OPA1: variants seen among roughly 807,000 people sequenced by gnomAD.
OPA1 encodes the protein dynamin-like GTPase OPA1, mitochondrial.
Under a neutral mutation model 152.9 loss-of-function variants are expected in OPA1, and 59 were observed. That is an observed-to-expected ratio of 0.39 (90% CI 0.31 to 0.48). OPA1 has a LOEUF of 0.48. Among genes scored for constraint, OPA1 ranks in the 20% least tolerant of loss-of-function variants. The pLI is 0.96. For missense variants in OPA1, 1,008 were observed against 1,216.8 expected (o/e 0.83, Z 2.55); for synonymous variants, 400 against 389.9 (o/e 1.03, Z -0.31).
chr3:193,625,957 G>A, intron 6 of OPA1, 135 bp from the exon 7 acceptor site: 1 of 732,822 alleles, frequency 1.4e-6, no homozygotes, highest in South Asian at 1.5e-5. Flanking sequence ...GGGTATGACG[G>A]CTTTAAATGA....
In OPA1 at chr3:193,697,267, G is replaced by T. The variant is rs887996860; in HGVS notation, c.*2667G>T. ...GATCAAAGTAATGGTTTTTCTCTCA[G>T]TTCTCTAAGCTGGTCTATGTTATAG... On this transcript the variant is annotated 3_prime_UTR_variant, in exon 31 of 31. Transcript: ENST00000361510. The T allele has an allele frequency of 6.6e-6, 1 of 152,162 alleles. No homozygotes were observed. Among genetic ancestry groups the T allele is most frequent in the African/African-American group, 2.4e-5 (1 of 41,432 alleles). The allele number at this position is 152,162 out of a possible 1,614,324, so 9.4% of individuals were successfully genotyped here.
intron 30 of OPA1, among the ~76,000 whole-genome samples, chr3:193,692,821 A>G (rs1337120144): frequency 2.0e-5 from 3 of 152,316 alleles, no homozygotes; most frequent in East Asian, 1.9e-4. Flanking sequence ...CAGTAGTGCA[A>G]TCACTGTTCA....
At chr3:193,692,835 C>T (rs1486373149) in intron 30 of OPA1, among the ~76,000 whole-genome samples, 2 of 152,244 alleles carry the variant, frequency 1.3e-5, no homozygotes, top group African/African-American at 2.4e-5. Context: ...CTGTTCACTG[C>T]AGCCTCAACC....
chr3:193,663,141 C>T (rs1400291985), intron 26 of OPA1, among the ~76,000 whole-genome samples, 179 bp downstream of exon 26: 1 of 152,098 alleles, frequency 6.6e-6, no homozygotes, highest in Non-Finnish European at 1.5e-5. Flanking sequence ...ATTTTATTCT[C>T]AGTATTGCTT....
At chr3:193,596,439 C>T (rs1725611123) in intron 1 of OPA1, among the ~76,000 whole-genome samples, 1 of 97,076 alleles carries the variant, frequency 1.0e-5, no homozygotes, top group South Asian at 3.5e-4. Context: ...AGGATCTTGG[C>T]GTGTTGTCCA....
intron 25 of OPA1, among the ~76,000 whole-genome samples, chr3:193,661,511 A>G (rs1166315746): frequency 3.3e-5 from 5 of 152,324 alleles, no homozygotes; most frequent in Non-Finnish European, 7.4e-5. Flanking sequence ...GAGGTTGAGA[A>G]TATCCCTAGG....
At chr3:193,646,999 GTGGTAGTATTGT>G (rs1455501137) in intron 18 of OPA1, 54 bp from the exon 19 acceptor site, 2 of 986,334 alleles carry the variant, frequency 2.0e-6, no homozygotes, top group African/African-American at 1.6e-5. Context: ...CGCAGACTTG[GTGGTAGTATTGT>G]TGTCCTTTTT....
chr3:193,655,926 C>T (rs1387235070), intron 22 of OPA1, among the ~76,000 whole-genome samples: 2 of 152,124 alleles, frequency 1.3e-5, no homozygotes, highest in South Asian at 2.1e-4. Context: ...TCTAATTATT[C>T]GGATGTGATT....
At chr3:193,603,290 A>C (rs1726739501) in intron 1 of OPA1, among the ~76,000 whole-genome samples, 1 of 152,192 alleles carries the variant, frequency 6.6e-6, no homozygotes, top group African/African-American at 2.4e-5. Flanking sequence ...GTTTTTGCAA[A>C]TCAGATGCGT....
At position 193,662,832 on chromosome 3, in the gene OPA1, A is replaced by G. The variant is rs200428940; in HGVS notation, c.2531A>G (p.Asn844Ser). 7.3e-5 allele frequency: 117 copies of G among 1,613,310 alleles called. No individual in the cohort carries two copies. Among genetic ancestry groups the G allele is most frequent in the Non-Finnish European group, 9.2e-5 (109 of 1,179,390 alleles). ...KNRTQEQCVHNETKNELEKML... is the reference protein window; with the variant it reads ...KNRTQEQCVHSETKNELEKML... ...TTAAACATTTTAAAGTGTGTTCACA[A>G]TGAAACCAAGAATGAATTGGAGAAG... is the stretch of plus-strand genomic sequence containing the variant. The change falls in exon 26 of 31, where the codon AAT (asparagine) becomes AGT (serine). Residue 844 changes from asparagine to serine, a missense_variant. By Grantham distance (46) the Asn-to-Ser change is conservative (BLOSUM62 1). This residue lies in a region of OPA1 where 229 missense variants were observed against 269.0 expected (regional missense o/e 0.85). Transcript: ENST00000361510.
intron 1 of OPA1, among the ~76,000 whole-genome samples, chr3:193,601,821 T>C (rs764495602): frequency 6.6e-6 from 1 of 152,148 alleles, no homozygotes; most frequent in Non-Finnish European, 1.5e-5. Flanking sequence ...ACTAGTGATG[T>C]TTAGAGTATC....
intron 6 of OPA1, among the ~76,000 whole-genome samples, chr3:193,620,817 A>G (rs889696133): frequency 8.5e-5 from 13 of 152,350 alleles, no homozygotes; most frequent in African/African-American, 3.1e-4. Context: ...CTTGGCTGTT[A>G]CTTGTGATGC....
intron 29 of OPA1, among the ~76,000 whole-genome samples, chr3:193,678,639 C>A (rs1489420176): frequency 6.6e-6 from 1 of 152,072 alleles, no homozygotes; most frequent in East Asian, 1.9e-4. Context: ...GAATAAGCAG[C>A]ATTAGTAAAA....
In OPA1 at chr3:193,696,976, T is replaced by C. The variant is rs1239867531; in HGVS notation, c.*2376T>C. The C allele has an allele frequency of 6.6e-6, 1 of 152,214 alleles. No individual in the cohort carries two copies. The highest frequency in any genetic ancestry group is 2.4e-5 in the African/African-American group (1 of 41,452). 9.4% of individuals were successfully genotyped at this position (152,214 alleles called of 1,614,324 possible). ...TAGTAGTTTATGATATTGCCCTCTT[T>C]GTATTCCCATTTTCTACAGTTTTTT... On this transcript the variant is annotated 3_prime_UTR_variant, in exon 31 of 31. Transcript: ENST00000361510.
intron 1 of OPA1, among the ~76,000 whole-genome samples, chr3:193,598,972 A>T (rs954520202): frequency 6.6e-6 from 1 of 152,186 alleles, no homozygotes; most frequent in Non-Finnish European, 1.5e-5. Flanking sequence ...AAGTGATAAC[A>T]TGGGTCACGC....
intron 11 of OPA1, among the ~76,000 whole-genome samples, chr3:193,640,883 G>A (rs1078932): frequency 0.43 from 65,280 of 151,918 alleles, 14,283 homozygotes; most frequent in Non-Finnish European, 0.44. Context: ...CTGTTTACAA[G>A]TGCAACAGGG....
At chr3:193,668,673 CCCCATGTGAA>C in intron 29 of OPA1, 2 of 1,450,926 alleles carry the variant, frequency 1.4e-6, no homozygotes, top group Non-Finnish European at 9.2e-7. Context: ...CTACCAACAG[CCCCATGTGAA>C]CCCATTGTAA....
intron 1 of OPA1, among the ~76,000 whole-genome samples, chr3:193,611,948 G>C (rs536454459): frequency 6.6e-6 from 1 of 151,566 alleles, no homozygotes; most frequent in African/African-American, 2.4e-5. Context: ...AGCTATTTTT[G>C]GTCCTTCTTG....
chr3:193,624,156 G>A (rs1730645567), intron 6 of OPA1: 1 of 152,326 alleles, frequency 6.6e-6, no homozygotes, highest in African/African-American at 2.4e-5. Context: ...AGCATTGTGT[G>A]CCTTATAGAC....
Sources: gnomAD v4.1 joint callset for allele counts (sites outside exome capture counted in the v4.1 genomes callset) on GRCh38, gnomAD v4.1.1 for gene constraint, gnomAD v4.1.1 regional missense constraint, MANE v1.5 for transcripts, NCBI Gene and HGNC (gene_info 2026-07-23, HGNC 2026-07-21) for gene names.